NLRP1: variants seen among roughly 807,000 people sequenced by gnomAD.
The protein encoded by NLRP1 is NLR family pyrin domain containing 1.
Under a neutral mutation model 136.7 loss-of-function variants are expected in NLRP1, and 94 were observed. The observed-to-expected ratio is 0.69, with a 90% CI of 0.58 to 0.82. The LOEUF is 0.82. NLRP1 is among the 40% of genes least tolerant of loss of function. The probability of loss-of-function intolerance (pLI) is 0.00; values close to 1 mark genes in which losing one functional copy is unlikely to be tolerated. For synonymous variants in NLRP1, 690 were observed against 725.1 expected, an observed-to-expected ratio of 0.95 and a Z score of 0.78; for missense variants, 1,575 against 1,802.7, an observed-to-expected ratio of 0.87 and a Z score of 2.29.
At chr17:5,539,683 T>C in intron 6 of NLRP1, 98 bp from the exon 7 acceptor site, 2 of 1,425,774 alleles carry the variant, frequency 1.4e-6, no homozygotes, top group Admixed American at 5.9e-5. Context: ...CTGTGGCCTT[T>C]TGAGGGTCTG....
chr17:5,556,115 T>TAC (rs59028107), intron 4 of NLRP1, among the ~76,000 whole-genome samples: 12,318 of 118,962 alleles, frequency 0.1, 850 homozygotes, highest in African/African-American at 0.19. Flanking sequence ...TCTCTCTCTC[T>TAC]ACACACACAC....
At chr17:5,509,599 C>T (rs1907520142), downstream of NLRP1, among the ~76,000 whole-genome samples, 1 of 152,208 alleles carries the variant, frequency 6.6e-6, no homozygotes, top group Admixed American at 6.5e-5. Context: ...TGGAGTCTCA[C>T]TCTTGTTGCC....
chr17:5,583,119 T>C lies in NLRP1; in HGVS notation c.272-273A>G, dbSNP rs1202531233. Among the ~76,000 whole-genome samples the C allele has an allele frequency of 1.3e-5, 2 of 152,180 alleles. No individual in the cohort carries two copies. The highest frequency in any genetic ancestry group is 1.3e-4 in the Admixed American group (2 of 15,284). ...TGTAAATCACTACTCCTACTGAGCC[T>C]CAGCTGTGCTTTATTGGGCCAACGG... is the stretch of plus-strand genomic sequence containing the variant. On this transcript the variant is annotated intron_variant, in intron 1 of 16. Coordinates refer to ENST00000572272, the MANE Select transcript of NLRP1 (RefSeq NM_033004.4). This position sits in a 1 kb window ranked among gnomAD's most constrained non-coding sequence, Gnocchi z 4.5.
chr17:5,529,519 C>T (rs571821606), intron 12 of NLRP1, among the ~76,000 whole-genome samples: 35 of 152,108 alleles, frequency 2.3e-4, no homozygotes, highest in African/African-American at 7.0e-4. Context: ...AGGCGCCTGC[C>T]GCCACGCCCG....
rs750173523 is a variant in NLRP1, at chr17:5,559,283, C to T, written c.1413G>A (p.Glu471=). 6.2e-7 allele frequency: 1 copy of T among 1,614,196 alleles called. No homozygotes were observed. The highest frequency in any genetic ancestry group is 2.2e-5 in the East Asian group (1 of 44,890). The change falls in exon 4 of 17, where the codon GAG becomes GAA. Residue 471 remains glutamate (E), a synonymous_variant. Coordinates refer to ENST00000572272, the MANE Select transcript of NLRP1 (RefSeq NM_033004.4). ...CCAGGACCTCTACCCAACGTGCCTG[C>T]TCCAAAGAAGGAATGAGGTTCTGCA... ...TALQNLIPSL[E]QARWVEVLGF...
chr17:5,510,070 C>CTTTT (rs749349135), downstream of NLRP1, among the ~76,000 whole-genome samples: 21,935 of 148,256 alleles, frequency 0.15, 1,705 homozygotes, highest in African/African-American at 0.18. Context: ...TATTCTTCTT[C>CTTTT]TTCTTTTTTT....
chr17:5,515,198 C>T (rs1037390496), intron 16 of NLRP1, 125 bp from the exon 17 acceptor site: 4 of 955,536 alleles, frequency 4.2e-6, no homozygotes, highest in Non-Finnish European at 6.3e-6. Context: ...CTGTGTCCTC[C>T]CTCATGGCAG....
In NLRP1 at chr17:5,531,173, AATCTATCTATCTATCTATCT is replaced by A. The variant is rs5819032; in HGVS notation, c.3297-489_3297-470del. Among the ~76,000 whole-genome samples, 827 of 141,580 alleles carry A rather than the reference AATCTATCTATCTATCTATCT, an allele frequency of 5.8e-3. 8 individuals carry two copies. Among genetic ancestry groups the A allele is most frequent in the African/African-American group, 0.019 (730 of 38,104 alleles). 92.9% of individuals were successfully genotyped at this position (141,580 alleles called of 152,430 possible). On this transcript the variant is annotated intron_variant, in intron 11 of 16. Coordinates refer to ENST00000572272, the MANE Select transcript of NLRP1 (RefSeq NM_033004.4). ...ATCTATCTATCTATCTAATCTATCTAATCTATCTATCTATCTATCTATCTATCTATCTATCTATCTATCTA... is the reference window on the plus strand; with the variant it reads ...ATCTATCTATCTATCTAATCTATCTAATCTATCTATCTATCTATCTATCTA...
At chr17:5,525,659 G>T (rs1056847094) in intron 12 of NLRP1, among the ~76,000 whole-genome samples, 9 of 152,236 alleles carry the variant, frequency 5.9e-5, no homozygotes, top group Non-Finnish European at 1.0e-4. Flanking sequence ...GCAGCTAAAT[G>T]ATAGGGACTG....
At chr17:5,542,627 C>CACAATATATTTTACTTACTTATTTGGCT in intron 5 of NLRP1, among the ~76,000 whole-genome samples, 1 of 152,184 alleles carries the variant, frequency 6.6e-6, no homozygotes, top group Non-Finnish European at 1.5e-5. Flanking sequence ...TCATGTCACT[C>CACAATATATTTTACTTACTTATTTGGCT]ACAATATATT....
intron 15 of NLRP1, among the ~76,000 whole-genome samples, chr17:5,516,496 A>G (rs894396481): frequency 4.6e-5 from 7 of 152,214 alleles, no homozygotes; most frequent in African/African-American, 9.6e-5. Context: ...GACTTTTTCT[A>G]TGAGTTCCAA....
At position 5,541,752 on chromosome 17, in the gene NLRP1, C is replaced by T; in HGVS notation, c.2699+105G>A. 8.6e-7 allele frequency: 1 copy of T among 1,156,394 alleles called. No individual in the cohort carries two copies. Among genetic ancestry groups the T allele is most frequent in the South Asian group, 1.4e-5 (1 of 73,584 alleles). 71.6% of individuals were successfully genotyped at this position (1,156,394 alleles called of 1,614,324 possible). ...TGGCTGAGATCCTGTAGGCTCCTCC[C>T]ACTCCCACAAAGCAGGTCTCACCTT... On this transcript the variant is annotated intron_variant, in intron 6 of 16. Coordinates refer to ENST00000572272, the MANE Select transcript of NLRP1 (RefSeq NM_033004.4). This position sits in a 1 kb window ranked among gnomAD's most constrained non-coding sequence, Gnocchi z 4.2.
intron 15 of NLRP1, among the ~76,000 whole-genome samples, chr17:5,506,232 C>T (rs1010911943): frequency 3.3e-4 from 50 of 149,404 alleles, no homozygotes; most frequent in African/African-American, 1.1e-3. Context: ...TGCAGTGAGC[C>T]GAGATGGCAC....
In NLRP1 at chr17:5,515,486, A is replaced by C. The variant is rs778583310; in HGVS notation, c.4089T>G (p.Pro1363=). The part of the protein sequence containing the change: ...GDLMPATTLI[P]PARIAVPSPL... ...GCTGTTACTGACCTATGCGGGCTGG[A>C]GGGATCAGAGTAGTTGCAGGCATGA... Residue 1363 remains proline (P), a synonymous_variant, in exon 16 of 17, where the codon CCT becomes CCG. Coordinates refer to ENST00000572272, the MANE Select transcript of NLRP1 (RefSeq NM_033004.4). 1.9e-6 allele frequency: 3 copies of C among 1,613,396 alleles called. No individual in the cohort carries two copies. The highest frequency in any genetic ancestry group is 2.7e-5 in the African/African-American group (2 of 74,894).
chr17:5,583,523 C>A lies in NLRP1; in HGVS notation c.271+164G>T, dbSNP rs1877658. The stretch of plus-strand genomic sequence containing the variant: ...GGCCCCCCCAGCAAGCCTCCTGGCT[C>A]CAGCATAGTCTGGGGCCTGGATCCC... On this transcript the variant is annotated intron_variant, in intron 1 of 16. Transcript: ENST00000572272. This position sits in a 1 kb window ranked among gnomAD's most constrained non-coding sequence, Gnocchi z 4.5. Among the ~76,000 whole-genome samples, 68,294 of 151,986 alleles carry A rather than the reference C, an allele frequency of 0.45. 15,617 individuals carry two copies. Among genetic ancestry groups the A allele is most frequent in the Non-Finnish European group, 0.47 (32,245 of 67,930 alleles).
chr17:5,542,916 G>T (rs1222349778), intron 5 of NLRP1, among the ~76,000 whole-genome samples: 1 of 151,636 alleles, frequency 6.6e-6, no homozygotes, highest in African/African-American at 2.4e-5. Context: ...TGCAACCTCC[G>T]CGCCCTGGGT....
At position 5,558,355 on chromosome 17, in the gene NLRP1, G is replaced by T. The variant is rs201368394; in HGVS notation, c.2341C>A (p.Pro781Thr). 327 of 1,607,372 alleles carry T rather than the reference G, an allele frequency of 2.0e-4. No homozygotes were observed. Among genetic ancestry groups the T allele is most frequent in the Non-Finnish European group, 2.5e-4 (293 of 1,176,580 alleles). The stretch of plus-strand genomic sequence containing the variant: ...GGTACTCACAGGACTACCATGGTGG[G>T]GCTCCATGTTGATCTGTGCTGCCTG... ...EGRQHRSTWS[P>T]TMVVLFRWVP... Residue 781 changes from proline (P) to threonine (T), a missense_variant, in exon 4 of 17, where the codon CCC becomes ACC. Transcript: ENST00000572272.
In NLRP1 at chr17:5,559,836, G is replaced by C. The variant is rs1331142466; in HGVS notation, c.860C>G (p.Pro287Arg). ...KFTQLLLLQRPHPRSQDPLVK... is the reference protein window; with the variant it reads ...KFTQLLLLQRRHPRSQDPLVK... ...CAGGGGATCTTGGCTTCTGGGGTGAGGTCTTTGTAGAAGTAGCAGCTGTGT... is the reference window on the plus strand; with the variant it reads ...CAGGGGATCTTGGCTTCTGGGGTGACGTCTTTGTAGAAGTAGCAGCTGTGT... Residue 287 changes from proline (P) to arginine (R), a missense_variant, in exon 4 of 17, where the codon CCT becomes CGT. Physicochemically the swap from Pro to Arg is moderately radical, Grantham distance 103. Transcript: ENST00000572272. 2 of 1,614,208 alleles carry C rather than the reference G, an allele frequency of 1.2e-6. No homozygotes were observed. The highest frequency in any genetic ancestry group is 1.7e-6 in the Non-Finnish European group (2 of 1,180,034).
intron 12 of NLRP1, among the ~76,000 whole-genome samples, chr17:5,528,282 T>C (rs1909812342): frequency 6.6e-6 from 1 of 152,174 alleles, no homozygotes. Context: ...ACTCTATAGA[T>C]TGCCCGGTGG....
Sources: allele counts gnomAD v4.1 joint callset (sites outside exome capture counted in the v4.1 genomes callset), GRCh38; gene constraint gnomAD v4.1.1; non-coding constraint Gnocchi (gnomAD v3.1); transcripts MANE v1.5; gene names NCBI Gene and HGNC (gene_info 2026-07-23, HGNC 2026-07-21).